Variants in NMT2 observed in about 807,000 individuals in gnomAD.
NMT2 encodes the protein glycylpeptide N-tetradecanoyltransferase 2.
In NMT2, 35 loss-of-function variants were observed where a neutral mutation model predicts 65.4. The ratio of observed to expected loss-of-function variants is 0.54; its 90% CI spans 0.41 to 0.71. The LOEUF is 0.71. Among genes scored for constraint, NMT2 ranks in the 30% least tolerant of loss-of-function variants. NMT2 has a pLI of 0.00. For missense variants in NMT2, 489 were observed against 611.3 expected, an observed-to-expected ratio of 0.80 and a Z score of 2.11; for synonymous variants, 226 against 231.8, an observed-to-expected ratio of 0.98 and a Z score of 0.23.
intron 1 of NMT2, among the ~76,000 whole-genome samples, chr10:15,156,912 G>A (rs1035211639): frequency 9.9e-5 from 15 of 151,834 alleles, no homozygotes; most frequent in Non-Finnish European, 1.9e-4. Context: ...AAAAAAAAAG[G>A]TTTCGCAAAA....
chr10:15,123,144 T>C (rs1229316289), intron 8 of NMT2, among the ~76,000 whole-genome samples: 3 of 152,100 alleles, frequency 2.0e-5, no homozygotes, highest in Non-Finnish European at 1.5e-5. Context: ...ATAGAAGCAT[T>C]AAAGCATAAG....
rs192087651 is a variant in NMT2 at position 15,121,076 on chromosome 10, C to T, written c.1000-1563G>A. Among the ~76,000 whole-genome samples, 909 of 152,240 alleles carry T rather than the reference C, an allele frequency of 6.0e-3. 3 individuals are homozygous for T. The highest frequency in any genetic ancestry group is 9.8e-3 in the Non-Finnish European group (664 of 68,012). ...TGTTCAGGGGCCAGGGGACTTGAGA[C>T]TAAAAGTCAGGAAGCCCAACAAACA... On this transcript the variant is annotated intron_variant, in intron 8 of 11. Transcript: ENST00000378165.
chr10:15,141,488 A>C lies in NMT2; in HGVS notation c.180T>G (p.Asn60Lys). 2 of 1,614,206 alleles carry C rather than the reference A, an allele frequency of 1.2e-6. No homozygotes were observed. Among genetic ancestry groups the C allele is most frequent in the Non-Finnish European group, 1.7e-6 (2 of 1,180,032 alleles). The change falls in exon 2 of 12, where the codon AAT becomes AAG. Residue 60 changes from asparagine (N) to lysine (K), a missense_variant. Asn to Lys is a moderately conservative substitution (Grantham distance 94). Coordinates refer to ENST00000378165, the MANE Select transcript of NMT2 (RefSeq NM_004808.3). Reference protein sequence around the residue: ...KKQKRKKEKPNSGGTKSDSAS... With the variant: ...KKQKRKKEKPKSGGTKSDSAS... ...CCGAGTCTGACTTGGTGCCTCCGGA[A>C]TTTGGTTTCTCCTTTTTTCTCTTCT...
intron 8 of NMT2, 128 bp downstream of exon 8, chr10:15,128,222 T>A: frequency 1.5e-6 from 1 of 652,016 alleles, no homozygotes; most frequent in Admixed American, 3.1e-5. Flanking sequence ...TTCCATGAAA[T>A]CTCTTTCGCT....
At chr10:15,152,563 C>G (rs1213204664) in intron 1 of NMT2, among the ~76,000 whole-genome samples, 4 of 152,222 alleles carry the variant, frequency 2.6e-5, no homozygotes, top group Admixed American at 1.3e-4. Context: ...TACATAAAGT[C>G]TGTGGTTTTC....
In NMT2 at chr10:15,119,515, T is replaced by C. The variant is rs767980422; in HGVS notation, c.1000-2A>G. The C allele has an allele frequency of 6.2e-7, 1 of 1,612,478 alleles. No homozygotes were observed. Among genetic ancestry groups the C allele is most frequent in the Non-Finnish European group, 8.5e-7 (1 of 1,179,080 alleles). On this transcript the variant is annotated splice_acceptor_variant, in intron 8 of 11. Transcript: ENST00000378165. LOFTEE classifies it high-confidence loss of function. Reference sequence around the variant, plus strand: ...TCTCAAACCTGAAGTCTTTGTAACCTTGTTGGAGGGGAAACAAAACAAATC... The same window carrying C: ...TCTCAAACCTGAAGTCTTTGTAACCCTGTTGGAGGGGAAACAAAACAAATC...
At chr10:15,129,115 T>A (rs2131534213) in intron 7 of NMT2, among the ~76,000 whole-genome samples, 1 of 152,184 alleles carries the variant, frequency 6.6e-6, no homozygotes, top group East Asian at 1.9e-4. Flanking sequence ...TGAAAATAAA[T>A]CCCCTAAATT....
At chr10:15,119,594 G>T in intron 8 of NMT2, 81 bp from the exon 9 acceptor site, 1 of 1,178,454 alleles carries the variant, frequency 8.5e-7, no homozygotes, top group Non-Finnish European at 1.2e-6. Context: ...AGTGTGGTCT[G>T]CAGACCAGCA....
intron 1 of NMT2, among the ~76,000 whole-genome samples, chr10:15,156,410 G>A (rs1208437043): frequency 1.3e-5 from 2 of 152,162 alleles, no homozygotes; most frequent in African/African-American, 4.8e-5. Context: ...AGAACTGTGA[G>A]TCAATTAAAC....
chr10:15,132,328 T>C (rs551421096), intron 6 of NMT2, among the ~76,000 whole-genome samples: 1 of 152,316 alleles, frequency 6.6e-6, no homozygotes, highest in Non-Finnish European at 1.5e-5. Context: ...AGTTTTAGGT[T>C]CACAGCAAAA....
At chr10:15,156,830 A>T (rs892517280) in intron 1 of NMT2, among the ~76,000 whole-genome samples, 2 of 151,912 alleles carry the variant, frequency 1.3e-5, no homozygotes, top group Non-Finnish European at 2.9e-5. Context: ...CGGGAGGCGG[A>T]GGTTGCAGTG....
Position 15,107,321 on chromosome 10 carries a change from G to A in NMT2, c.*1874C>T. The A allele has an allele frequency of 2.0e-6, 2 of 982,814 alleles. No individual in the cohort carries two copies. The highest frequency in any genetic ancestry group is 2.4e-6 in the Non-Finnish European group (2 of 827,524). 60.9% of individuals were successfully genotyped at this position (982,814 alleles called of 1,614,324 possible). A position where few individuals can be genotyped will look rare whatever the true frequency, so the allele number is the denominator to read the frequency against. On this transcript the variant is annotated 3_prime_UTR_variant, in exon 12 of 12. Coordinates refer to ENST00000378165, the MANE Select transcript of NMT2 (RefSeq NM_004808.3). ...GATTTAGCCCACAGGCCATAGTTTG[G>A]TGGCCCCTGCCTGGGATAAGATATG...
At chr10:15,123,656 C>T (rs979853140) in intron 8 of NMT2, among the ~76,000 whole-genome samples, 5 of 151,942 alleles carry the variant, frequency 3.3e-5, no homozygotes, top group African/African-American at 4.8e-5. Flanking sequence ...GGCTAGCTTC[C>T]GTATAATGGA....
chr10:15,123,319 G>A (rs1271633357), intron 8 of NMT2, among the ~76,000 whole-genome samples: 2 of 152,074 alleles, frequency 1.3e-5, no homozygotes. Context: ...GGCTGAGGCA[G>A]GCGGATCACA....
At chr10:15,113,586 G>C (rs58857488) in intron 9 of NMT2, among the ~76,000 whole-genome samples, 7 of 151,156 alleles carry the variant, frequency 4.6e-5, no homozygotes, top group Non-Finnish European at 1.0e-4. Flanking sequence ...GATAAAAGCA[G>C]ATTCATTGTT....
chr10:15,145,913 G>A (rs965234071), intron 1 of NMT2, among the ~76,000 whole-genome samples: 5 of 152,166 alleles, frequency 3.3e-5, no homozygotes, highest in Admixed American at 2.0e-4. Flanking sequence ...GGGTGGGAGA[G>A]GTGCTAAGCG....
intron 1 of NMT2, among the ~76,000 whole-genome samples, chr10:15,153,405 C>T (rs1832872488): frequency 6.6e-6 from 1 of 152,252 alleles, no homozygotes; most frequent in Admixed American, 6.5e-5. Flanking sequence ...TGTGCACATG[C>T]TCCCATCCTT....
chr10:15,141,104 T>A, intron 2 of NMT2: 1 of 1,333,336 alleles, frequency 7.5e-7, no homozygotes, highest in Non-Finnish European at 1.0e-6. Context: ...AATCAAATAT[T>A]AAAGTGTAAT....
intron 2 of NMT2, among the ~76,000 whole-genome samples, chr10:15,138,004 C>CATTTTT (rs1554823723): frequency 4.7e-5 from 6 of 128,136 alleles, no homozygotes; most frequent in Non-Finnish European, 8.2e-5. Context: ...TCTTCTTCTT[C>CATTTTT]TTTTTTTTTT....
Sources: gnomAD v4.1 joint callset for allele counts (sites outside exome capture counted in the v4.1 genomes callset) on GRCh38, gnomAD v4.1.1 for gene constraint, MANE v1.5 for transcripts, NCBI Gene and HGNC (gene_info 2026-07-23, HGNC 2026-07-21) for gene names.